DAB1: variants seen among roughly 807,000 people sequenced by gnomAD.
DAB1 encodes the protein DAB adaptor protein 1.
DAB1 carries 15 observed loss-of-function variants against 64.6 expected under a neutral mutation model. The ratio of observed to expected loss-of-function variants is 0.23; its 90% CI spans 0.16 to 0.36. DAB1 has a LOEUF of 0.36. Ranked by LOEUF, DAB1 falls within the 10% of genes least tolerant of loss-of-function variation. DAB1 has a pLI of 1.00. For missense variants in DAB1, 596 were observed against 706.7 expected, an observed-to-expected ratio of 0.84 and a Z score of 1.78; for synonymous variants, 235 against 251.9, an observed-to-expected ratio of 0.93 and a Z score of 0.64.
chr1:57,336,068 C>G (rs1040855089), intron 1 of DAB1, among the ~76,000 whole-genome samples: 1 of 152,218 alleles, frequency 6.6e-6, no homozygotes, highest in Non-Finnish European at 1.5e-5. Context: ...GGCATTAACG[C>G]AGTTGTGCAT....
At chr1:58,376,663 G>C (rs1483786309) in intron 3 of DAB1, among the ~76,000 whole-genome samples, 3 of 142,126 alleles carry the variant, frequency 2.1e-5, no homozygotes, top group Admixed American at 7.1e-5. Flanking sequence ...CTGTTGATTT[G>C]GGGTGGAGAG....
intron 4 of DAB1, among the ~76,000 whole-genome samples, chr1:58,319,514 T>G (rs1440157531): frequency 6.6e-6 from 1 of 152,206 alleles, no homozygotes; most frequent in Admixed American, 6.5e-5. Context: ...TCCTTCTCTC[T>G]TCTCCACTCC....
intron 1 of DAB1, among the ~76,000 whole-genome samples, chr1:57,348,544 G>A (rs1381126578): frequency 1.3e-5 from 2 of 152,112 alleles, no homozygotes; most frequent in Non-Finnish European, 2.9e-5. Flanking sequence ...CATCCCCGTT[G>A]TACAGATGAA....
chr1:57,394,626 C>G (rs1682657526), intron 1 of DAB1, among the ~76,000 whole-genome samples: 1 of 152,180 alleles, frequency 6.6e-6, no homozygotes, highest in Non-Finnish European at 1.5e-5. Context: ...GCCCTTTGAG[C>G]AGTATGTTCT....
chr1:57,259,976 T>A (rs1283474993), intron 2 of DAB1, among the ~76,000 whole-genome samples: 2 of 152,206 alleles, frequency 1.3e-5, no homozygotes, highest in African/African-American at 4.8e-5. Context: ...CATAGTTTGT[T>A]CCTGATTGTT....
At chr1:58,456,530 G>C (rs1034640506) in intron 3 of DAB1, among the ~76,000 whole-genome samples, 1 of 152,188 alleles carries the variant, frequency 6.6e-6, no homozygotes, top group African/African-American at 2.4e-5. Context: ...GGAGGAGTGT[G>C]AGGACTAGGG....
At chr1:57,412,099 GATGAA>G (rs56783308) in intron 1 of DAB1, among the ~76,000 whole-genome samples, 1,656 of 152,220 alleles carry the variant, frequency 0.011, 36 homozygotes, top group African/African-American at 0.037. Context: ...AGTGAACTTT[GATGAA>G]ACTACTGTAA....
chr1:57,875,041 A>C (rs996874040), intron 1 of DAB1: 7 of 152,160 alleles, frequency 4.6e-5, no homozygotes, highest in African/African-American at 1.7e-4. Context: ...CTCTTCAGGA[A>C]AGTGTCCAGA....
intron 4 of DAB1, among the ~76,000 whole-genome samples, chr1:58,211,436 A>G (rs1179910207): frequency 6.6e-6 from 1 of 152,186 alleles, no homozygotes; most frequent in Non-Finnish European, 1.5e-5. Context: ...TGATGATCAC[A>G]CTGCACCTGC....
chr1:58,353,043 T>C (rs1644073913), intron 3 of DAB1, among the ~76,000 whole-genome samples: 1 of 152,138 alleles, frequency 6.6e-6, no homozygotes, highest in Non-Finnish European at 1.5e-5. Flanking sequence ...GACACCTACA[T>C]AAATGCCACT....
At chr1:58,389,310 T>A (rs1188401391) in intron 3 of DAB1, among the ~76,000 whole-genome samples, 3 of 152,298 alleles carry the variant, frequency 2.0e-5, no homozygotes, top group Admixed American at 2.0e-4. Flanking sequence ...TGGTGGTGCA[T>A]GCCTATAGCC....
chr1:58,205,513 G>A (rs139714294), intron 4 of DAB1, among the ~76,000 whole-genome samples: 4 of 152,110 alleles, frequency 2.6e-5, no homozygotes, highest in African/African-American at 9.7e-5. Context: ...AAGGCCCTGA[G>A]AACCTGTTTG....
intron 5 of DAB1, among the ~76,000 whole-genome samples, chr1:58,059,301 G>C (rs1051644846): frequency 3.9e-5 from 6 of 152,206 alleles, no homozygotes; most frequent in Admixed American, 6.5e-5. Flanking sequence ...TCATAGGGAA[G>C]TCACTGCAAC....
At chr1:57,751,834 T>TAATAAATAAATAAATA (rs58928224) in intron 6 of DAB1, among the ~76,000 whole-genome samples, 3,884 of 150,872 alleles carry the variant, frequency 0.026, 110 homozygotes, top group African/African-American at 0.069. Flanking sequence ...ATTCTTTACT[T>TAATAAATAAATAAATA]AATAAATAAA....
At chr1:58,276,019 G>A (rs1360647652) in intron 4 of DAB1, among the ~76,000 whole-genome samples, 1 of 152,190 alleles carries the variant, frequency 6.6e-6, no homozygotes, top group Non-Finnish European at 1.5e-5. Flanking sequence ...CAACATAGAT[G>A]AACCTTGAGG....
chr1:58,120,492 A>G (rs1238843039), intron 5 of DAB1, among the ~76,000 whole-genome samples: 2 of 152,158 alleles, frequency 1.3e-5, no homozygotes, highest in Non-Finnish European at 2.9e-5. Context: ...ACACCTGTAC[A>G]TGGGAATAAT....
chr1:58,255,308 A>C (rs1660904520), intron 4 of DAB1, among the ~76,000 whole-genome samples: 1 of 152,028 alleles, frequency 6.6e-6, no homozygotes, highest in African/African-American at 2.4e-5. Flanking sequence ...TTAGCCCGGC[A>C]AAGGGAATTT....
At chr1:58,381,295 A>T (rs1486900988) in intron 3 of DAB1, among the ~76,000 whole-genome samples, 1 of 152,146 alleles carries the variant, frequency 6.6e-6, no homozygotes, top group Non-Finnish European at 1.5e-5. Context: ...TGTATCCCCG[A>T]ACTTAAAATA....
chr1:57,171,972 G>A (rs1215830072), intron 2 of DAB1, among the ~76,000 whole-genome samples: 2 of 151,992 alleles, frequency 1.3e-5, no homozygotes, highest in Non-Finnish European at 2.9e-5. Flanking sequence ...TCAAGTTGCC[G>A]GCAGGGTTGG....
Sources: allele counts gnomAD v4.1 joint callset (sites outside exome capture counted in the v4.1 genomes callset), GRCh38; gene constraint gnomAD v4.1.1; transcripts MANE v1.5; gene names NCBI Gene and HGNC (gene_info 2026-07-23, HGNC 2026-07-21).